The following ATP8B4 variants were observed in gnomAD, a reference collection of about 807,000 sequenced individuals.
ATP8B4 encodes the protein ATPase phospholipid transporting 8B4 (putative), also known as probable phospholipid-transporting ATPase IM.
In ATP8B4, 133 loss-of-function variants were observed where a neutral mutation model predicts 145.6. That is an observed-to-expected ratio of 0.91 (90% confidence interval 0.79 to 1.05). ATP8B4 has a LOEUF of 1.05. ATP8B4 is among the 50% of genes least tolerant of loss of function. The pLI is 0.00. For missense variants in ATP8B4, 1,458 were observed against 1,425.2 expected (o/e 1.02, Z -0.37); for synonymous variants, 507 against 492.9 (o/e 1.03, Z -0.38).
At chr15:50,102,074 T>A (rs1047676618) in intron 2 of ATP8B4, among the ~76,000 whole-genome samples, 2 of 151,996 alleles carry the variant, frequency 1.3e-5, no homozygotes, top group Non-Finnish European at 2.9e-5. Context: ...TAACAAAACC[T>A]CTGGGATACA....
intron 25 of ATP8B4, among the ~76,000 whole-genome samples, chr15:49,871,284 G>A (rs1315749849): frequency 1.3e-5 from 2 of 152,130 alleles, no homozygotes; most frequent in Admixed American, 6.5e-5. Flanking sequence ...TTTCCTTTAC[G>A]CTCAGTATAA....
At chr15:49,970,385 C>A (rs913528082) in intron 13 of ATP8B4, among the ~76,000 whole-genome samples, 4 of 152,158 alleles carry the variant, frequency 2.6e-5, no homozygotes, top group Non-Finnish European at 5.9e-5. Context: ...ATCGTCTCAG[C>A]CTCAAATCCC....
intron 7 of ATP8B4, among the ~76,000 whole-genome samples, chr15:50,006,607 C>G (rs984403442): frequency 2.6e-5 from 4 of 152,078 alleles, no homozygotes; most frequent in Non-Finnish European, 4.4e-5. Context: ...CCAGTCACGC[C>G]TGGAGTTTAG....
At chr15:50,040,204 C>T (rs1010542283) in intron 5 of ATP8B4, among the ~76,000 whole-genome samples, 7 of 152,126 alleles carry the variant, frequency 4.6e-5, no homozygotes, top group Admixed American at 2.0e-4. Context: ...GCAGAAGATT[C>T]GAGTCAGAGA....
At chr15:50,017,064 T>A (rs2049146316) in intron 6 of ATP8B4, among the ~76,000 whole-genome samples, 1 of 152,200 alleles carries the variant, frequency 6.6e-6, no homozygotes, top group Admixed American at 6.5e-5. Context: ...AAGCTCCACC[T>A]TTCTATCATT....
chr15:49,956,949 T>C (rs967569409), intron 14 of ATP8B4, among the ~76,000 whole-genome samples: 1 of 152,108 alleles, frequency 6.6e-6, no homozygotes, highest in African/African-American at 2.4e-5. Flanking sequence ...TAGTTAGTGG[T>C]GGACACAAAA....
chr15:49,863,876 C>T (rs1054645499), intron 26 of ATP8B4, among the ~76,000 whole-genome samples: 1 of 152,102 alleles, frequency 6.6e-6, no homozygotes, highest in African/African-American at 2.4e-5. Context: ...CACTGGAGCT[C>T]AGTAATTAAT....
intron 1 of ATP8B4, among the ~76,000 whole-genome samples, chr15:50,125,665 C>T (rs1272625698): frequency 6.6e-6 from 1 of 152,170 alleles, no homozygotes; most frequent in African/African-American, 2.4e-5. Flanking sequence ...TCATGTGACC[C>T]CCAAACCCAT....
intron 6 of ATP8B4, among the ~76,000 whole-genome samples, chr15:50,037,111 C>T (rs1259070403): frequency 2.0e-5 from 3 of 152,180 alleles, no homozygotes; most frequent in Admixed American, 6.5e-5. Flanking sequence ...GAGGCCCCAA[C>T]GTCTATCACA....
intron 2 of ATP8B4, among the ~76,000 whole-genome samples, chr15:50,087,534 CTTAG>C (rs2055299887): frequency 1.3e-5 from 2 of 150,714 alleles, no homozygotes; most frequent in South Asian, 4.2e-4. Flanking sequence ...GCTTATTATA[CTTAG>C]TAAGTATAAT....
At chr15:49,969,776 GC>G (rs2153519380) in intron 13 of ATP8B4, among the ~76,000 whole-genome samples, 1 of 152,182 alleles carries the variant, frequency 6.6e-6, no homozygotes, top group East Asian at 1.9e-4. Context: ...ATTTTATCAG[GC>G]CAGCCTCATC....
rs145453929 is a variant in ATP8B4, at chr15:50,092,627, TAGTA to T, written c.28+14308_28+14311del. On this transcript the variant is annotated intron_variant, in intron 2 of 27. Transcript: ENST00000284509. The stretch of plus-strand genomic sequence containing the variant: ...AATTAGAAACAGCAACATAGGGTAA[TAGTA>T]AGCTGGAAACTGGTCAGTAGAAAAT... Among the ~76,000 whole-genome samples, 17 of 152,042 alleles carry T rather than the reference TAGTA, an allele frequency of 1.1e-4. No individual in the cohort carries two copies. The East Asian group carries it at 3.3e-3, about 29-fold the overall frequency.
intron 20 of ATP8B4, among the ~76,000 whole-genome samples, chr15:49,913,992 G>A (rs1220497704): frequency 1.3e-5 from 2 of 152,014 alleles, no homozygotes; most frequent in African/African-American, 4.8e-5. Context: ...ACATTCATAT[G>A]GAACCAAAAA....
intron 6 of ATP8B4, among the ~76,000 whole-genome samples, chr15:50,033,390 A>T (rs2050596001): frequency 6.6e-6 from 1 of 152,218 alleles, no homozygotes; most frequent in Non-Finnish European, 1.5e-5. Flanking sequence ...CAAAATCTTA[A>T]GTTTAGAAGA....
At chr15:50,083,494 G>A (rs2054692205) in intron 2 of ATP8B4, among the ~76,000 whole-genome samples, 1 of 151,996 alleles carries the variant, frequency 6.6e-6, no homozygotes, top group African/African-American at 2.4e-5. Flanking sequence ...TAAGAGCCTA[G>A]AAGCCAGAGG....
intron 6 of ATP8B4, among the ~76,000 whole-genome samples, chr15:50,016,915 C>T (rs971350267): frequency 2.6e-4 from 40 of 152,140 alleles, no homozygotes; most frequent in Admixed American, 2.6e-3. Context: ...ATAACATTCC[C>T]TTGAGGGGCA....
intron 23 of ATP8B4, among the ~76,000 whole-genome samples, chr15:49,888,315 G>T (rs1156233966): frequency 6.6e-6 from 1 of 152,062 alleles, no homozygotes; most frequent in East Asian, 1.9e-4. Context: ...AAGATTAGTC[G>T]CAGTCTTTCA....
At chr15:49,955,663 G>A (rs188645695) in intron 14 of ATP8B4, among the ~76,000 whole-genome samples, 1 of 152,126 alleles carries the variant, frequency 6.6e-6, no homozygotes, top group East Asian at 1.9e-4. Flanking sequence ...AAATGTGATA[G>A]ATACATACAA....
chr15:50,117,153 G>A (rs999576994), intron 1 of ATP8B4, among the ~76,000 whole-genome samples: 1 of 152,094 alleles, frequency 6.6e-6, no homozygotes, highest in Non-Finnish European at 1.5e-5. Context: ...CGGTTCAGGC[G>A]ATTCTCCTGC....
Sources: gnomAD v4.1 joint callset for allele counts (sites outside exome capture counted in the v4.1 genomes callset) on GRCh38, gnomAD v4.1.1 for gene constraint, MANE v1.5 for transcripts, NCBI Gene and HGNC (gene_info 2026-07-23, HGNC 2026-07-21) for gene names.